The following SPOCK1 variants were observed in gnomAD, a reference collection of about 807,000 sequenced individuals.
SPOCK1 encodes testican-1.
SPOCK1 carries 23 observed loss-of-function variants against 55.3 expected under a neutral mutation model. The observed-to-expected ratio is 0.42, with a 90% CI of 0.30 to 0.59. SPOCK1 has a LOEUF of 0.59. SPOCK1 is among the 20% of genes least tolerant of loss of function. SPOCK1 has a pLI of 0.22. For synonymous variants in SPOCK1, 226 were observed against 221.0 expected (o/e 1.02, Z -0.20); for missense variants, 499 against 552.5 (o/e 0.90, Z 0.97).
intron 5 of SPOCK1, among the ~76,000 whole-genome samples, chr5:137,099,571 T>C (rs1753220664): frequency 9.7e-6 from 1 of 103,156 alleles, no homozygotes. Context: ...AAAATATATA[T>C]GTGTGTGTAT....
chr5:137,409,879 A>G (rs1459576258), intron 2 of SPOCK1, among the ~76,000 whole-genome samples: 1 of 152,218 alleles, frequency 6.6e-6, no homozygotes, highest in Non-Finnish European at 1.5e-5. Flanking sequence ...TAGGGAACCT[A>G]TGGTTGAATG....
chr5:137,284,577 G>C (rs1757228961), intron 2 of SPOCK1, among the ~76,000 whole-genome samples: 1 of 152,216 alleles, frequency 6.6e-6, no homozygotes. Context: ...CTCTGCACTA[G>C]AGTAAGGTCA....
At chr5:137,013,344 G>C (rs900696172) in intron 6 of SPOCK1, among the ~76,000 whole-genome samples, 2 of 152,292 alleles carry the variant, frequency 1.3e-5, no homozygotes, top group African/African-American at 2.4e-5. Context: ...TCAGAGTCTT[G>C]AGTTTGTGGA....
intron 3 of SPOCK1, among the ~76,000 whole-genome samples, chr5:137,178,921 C>T (rs1163402814): frequency 6.6e-6 from 1 of 152,190 alleles, no homozygotes; most frequent in East Asian, 1.9e-4. Flanking sequence ...CTAAGAATCC[C>T]TCCACATCCC....
intron 6 of SPOCK1, among the ~76,000 whole-genome samples, chr5:137,067,245 T>A (rs1446683849): frequency 2.0e-5 from 3 of 152,136 alleles, no homozygotes; most frequent in African/African-American, 7.2e-5. Context: ...CTTTCATCTG[T>A]CCCCTGGCTC....
chr5:137,087,380 T>G (rs578254677), intron 5 of SPOCK1, among the ~76,000 whole-genome samples: 3 of 152,236 alleles, frequency 2.0e-5, no homozygotes, highest in Non-Finnish European at 4.4e-5. Context: ...AGAGAACTAG[T>G]ACCACTGACA....
chr5:137,403,393 G>T (rs566564239), intron 2 of SPOCK1, among the ~76,000 whole-genome samples: 37 of 152,282 alleles, frequency 2.4e-4, no homozygotes, highest in African/African-American at 8.9e-4. Flanking sequence ...TCTGTGCCAG[G>T]CATGTCTCAA....
chr5:137,358,772 C>T (rs1023044444), intron 2 of SPOCK1, among the ~76,000 whole-genome samples: 1 of 152,284 alleles, frequency 6.6e-6, no homozygotes, highest in African/African-American at 2.4e-5. Context: ...GTTTGATATT[C>T]TTTGGCTAAC....
At chr5:137,333,684 T>C (rs1374952925) in intron 2 of SPOCK1, among the ~76,000 whole-genome samples, 1 of 152,234 alleles carries the variant, frequency 6.6e-6, no homozygotes, top group East Asian at 1.9e-4. Flanking sequence ...GGCAAGGATG[T>C]GCTGTATGCC....
At chr5:137,083,778 G>C (rs1231688598) in intron 5 of SPOCK1, among the ~76,000 whole-genome samples, 6 of 152,084 alleles carry the variant, frequency 3.9e-5, no homozygotes, top group Non-Finnish European at 7.4e-5. Context: ...AGCCTATGGA[G>C]GGAATGGGCA....
intron 6 of SPOCK1, among the ~76,000 whole-genome samples, chr5:137,045,218 C>T (rs1322716063): frequency 7.0e-6 from 1 of 142,542 alleles, no homozygotes; most frequent in Non-Finnish European, 1.5e-5. Context: ...GGAATCGCCA[C>T]ACTGACTTCC....
intron 2 of SPOCK1, among the ~76,000 whole-genome samples, chr5:137,342,614 G>A (rs977894073): frequency 6.6e-6 from 1 of 152,162 alleles, no homozygotes; most frequent in African/African-American, 2.4e-5. Context: ...AGAGACAGTA[G>A]GTTCCTGGAA....
At chr5:137,140,762 T>TTC in intron 3 of SPOCK1, 68 bp from the exon 4 acceptor site, 9 of 1,124,388 alleles carry the variant, frequency 8.0e-6, no homozygotes, top group Non-Finnish European at 1.1e-5. Context: ...TTTTTTTTTT[T>TTC]TTTTTTTTTT....
chr5:137,039,602 G>C (rs1751955842), intron 6 of SPOCK1, among the ~76,000 whole-genome samples: 1 of 152,186 alleles, frequency 6.6e-6, no homozygotes, highest in African/African-American at 2.4e-5. Flanking sequence ...CATGCAACAG[G>C]TCCCACGCCC....
chr5:137,095,710 A>C (rs1753134711), intron 5 of SPOCK1, among the ~76,000 whole-genome samples: 2 of 152,220 alleles, frequency 1.3e-5, no homozygotes, highest in Non-Finnish European at 2.9e-5. Flanking sequence ...GTGGTTCTCC[A>C]TTCTTATCAT....
rs768340347 is a variant in SPOCK1 at position 136,988,611 on chromosome 5, C to T, written c.739G>A (p.Asp247Asn). The change falls in exon 8 of 11, where the codon GAC (aspartate) becomes AAC (asparagine). Residue 247 changes from aspartate to asparagine, a missense_variant. Around this residue, in one of 3 missense-constraint regions of SPOCK1, gnomAD observed 386 missense variants for 400.6 expected, o/e 0.96. Coordinates refer to ENST00000394945, the MANE Select transcript of SPOCK1 (RefSeq NM_004598.4). ...TTGTTGAACATCCAGCCCAGGGAGT[C>T]CTTGCAGATGGGCAGGATGCTAGTG... is the stretch of plus-strand genomic sequence containing the variant. ...FDTSILPICKDSLGWMFNKLD... is the reference protein window; with the variant it reads ...FDTSILPICKNSLGWMFNKLD... 1 of 1,613,622 alleles carries T rather than the reference C, an allele frequency of 6.2e-7. No individual in the cohort carries two copies. Among genetic ancestry groups the T allele is most frequent in the Non-Finnish European group, 8.5e-7 (1 of 1,179,716 alleles).
In SPOCK1 at chr5:137,063,405, G is replaced by GAAAA. The variant is rs546494577; in HGVS notation, c.589+4306_589+4309dup. Among the ~76,000 whole-genome samples, 26 of 123,716 alleles carry GAAAA rather than the reference G, an allele frequency of 2.1e-4. No individual in the cohort carries two copies. The East Asian group carries it at 3.4e-3, about 16-fold the overall frequency. 81.2% of individuals were successfully genotyped at this position (123,716 alleles called of 152,430 possible). Reference sequence around the variant, plus strand: ...CAAAAAAATCTTGGCTTTGACTTCTGAAAAAAAAAAAAAACAGATGAAACT... The same window carrying GAAAA: ...CAAAAAAATCTTGGCTTTGACTTCTGAAAAAAAAAAAAAAAAAACAGATGAAACT... On this transcript the variant is annotated intron_variant, in intron 6 of 10. Coordinates refer to ENST00000394945, the MANE Select transcript of SPOCK1 (RefSeq NM_004598.4).
At chr5:137,099,319 C>T (rs940252229) in intron 5 of SPOCK1, among the ~76,000 whole-genome samples, 11 of 152,218 alleles carry the variant, frequency 7.2e-5, no homozygotes, top group Middle Eastern at 3.4e-3. Flanking sequence ...ACTTTTTAAA[C>T]GGCTCTATTG....
chr5:137,098,176 G>A (rs561786488), intron 5 of SPOCK1, among the ~76,000 whole-genome samples: 1 of 149,368 alleles, frequency 6.7e-6, no homozygotes, highest in South Asian at 2.1e-4. Flanking sequence ...GTGTTATTAT[G>A]TCCATTTCAT....
Sources: gnomAD v4.1 joint callset for allele counts (sites outside exome capture counted in the v4.1 genomes callset) on GRCh38, gnomAD v4.1.1 for gene constraint, gnomAD v4.1.1 regional missense constraint, MANE v1.5 for transcripts, NCBI Gene and HGNC (gene_info 2026-07-23, HGNC 2026-07-21) for gene names.